The following NRXN1 variants were observed in gnomAD, a reference collection of about 807,000 sequenced individuals.
NRXN1 encodes neurexin-1.
A neutral mutation model predicts 150.9 loss-of-function variants in NRXN1; 39 were observed. The observed-to-expected ratio is 0.26, with a 90% CI of 0.20 to 0.34. The LOEUF is 0.34. Among genes scored for constraint, NRXN1 ranks in the 10% least tolerant of loss-of-function variants. NRXN1 has a pLI of 1.00. For missense variants in NRXN1, 1,815 were observed against 1,949.9 expected, an observed-to-expected ratio of 0.93 and a Z score of 1.30; for synonymous variants, 924 against 757.0, an observed-to-expected ratio of 1.22 and a Z score of -3.62.
rs180888258 is a variant in NRXN1, at chr2:50,386,828, G to A, written c.3364+78614C>T. 6.6e-5 allele frequency among the ~76,000 whole-genome samples: 10 copies of A among 152,288 alleles called. No individual in the cohort carries two copies. In the East Asian group the frequency reaches 1.7e-3, roughly 27 times the overall value. On this transcript the variant is annotated intron_variant, in intron 17 of 22. Transcript: ENST00000401669. The stretch of plus-strand genomic sequence containing the variant: ...CCTTGAGCAAGGCACTTAGCTTGCA[G>A]TTCCTTAATCTGCTTGTATTTAGTG...
intron 8 of NRXN1, among the ~76,000 whole-genome samples, chr2:50,570,549 A>G (rs1425882539): frequency 6.6e-6 from 1 of 152,148 alleles, no homozygotes; most frequent in Admixed American, 6.6e-5. Context: ...TCAAGTTAGC[A>G]CTTTGTGTGA....
chr2:50,343,801 T>A (rs1422237829), intron 17 of NRXN1, among the ~76,000 whole-genome samples: 1 of 152,226 alleles, frequency 6.6e-6, no homozygotes, highest in South Asian at 2.1e-4. Flanking sequence ...AACTATACCA[T>A]AAATGAATTT....
chr2:50,810,690 G>A (rs1574554156), intron 5 of NRXN1, among the ~76,000 whole-genome samples: 1 of 152,040 alleles, frequency 6.6e-6, no homozygotes. Context: ...CAATAAAAGT[G>A]TTTGCATCTT....
intron 17 of NRXN1, among the ~76,000 whole-genome samples, chr2:50,289,208 G>A (rs1317160344): frequency 2.0e-5 from 3 of 152,080 alleles, no homozygotes; most frequent in Non-Finnish European, 4.4e-5. Flanking sequence ...AATCTGTAGA[G>A]CCCCAAGGTT....
chr2:50,158,636 A>G (rs949239771), intron 18 of NRXN1, among the ~76,000 whole-genome samples: 2 of 152,150 alleles, frequency 1.3e-5, no homozygotes, highest in Admixed American at 6.6e-5. Context: ...TTCAGAAACC[A>G]GGAAGCTGAG....
At chr2:50,497,204 A>T in intron 14 of NRXN1, 129 bp downstream of exon 14, 1 of 564,286 alleles carries the variant, frequency 1.8e-6, no homozygotes, top group Non-Finnish European at 2.8e-6. Flanking sequence ...ATGCCTTCTT[A>T]TTTGTCCTCC....
chr2:50,838,007 A>G (rs1672349472), intron 5 of NRXN1, among the ~76,000 whole-genome samples: 1 of 152,112 alleles, frequency 6.6e-6, no homozygotes, highest in Non-Finnish European at 1.5e-5. Context: ...CTGTTGCCTG[A>G]GTGAAACACA....
intron 22 of NRXN1, among the ~76,000 whole-genome samples, chr2:49,931,932 T>C (rs1670196539): frequency 6.6e-6 from 1 of 152,150 alleles, no homozygotes; most frequent in Non-Finnish European, 1.5e-5. Flanking sequence ...GAATAATCTA[T>C]CTTTACAAAA....
At chr2:50,428,215 A>G (rs1275799049) in intron 17 of NRXN1, among the ~76,000 whole-genome samples, 2 of 152,234 alleles carry the variant, frequency 1.3e-5, no homozygotes, top group East Asian at 3.9e-4. Flanking sequence ...GGAGTTCAAG[A>G]CCACCTGGGC....
chr2:50,347,773 A>C lies in NRXN1; in HGVS notation c.3365-110803T>G, dbSNP rs1303830979. ...GAAAAAAAGAAAAGAAAAACCACAC[A>C]CGCTGGTGAAGCAAGGGGCTCTATG... On this transcript the variant is annotated intron_variant, in intron 17 of 22. Coordinates refer to ENST00000401669, the MANE Select transcript of NRXN1 (RefSeq NM_001330078.2). This position sits in a 1 kb window ranked among gnomAD's most constrained non-coding sequence, Gnocchi z 4.9. 4 of 986,514 alleles carry C rather than the reference A, an allele frequency of 4.1e-6. No individual in the cohort carries two copies. Among genetic ancestry groups the C allele is most frequent in the Admixed American group, 6.1e-5 (1 of 16,344 alleles). The allele number at this position is 986,514 out of a possible 1,614,324, so 61.1% of individuals were successfully genotyped here. A position where few individuals can be genotyped will look rare whatever the true frequency, so the allele number is the denominator to read the frequency against.
intron 8 of NRXN1, among the ~76,000 whole-genome samples, chr2:50,560,884 C>A (rs1212970206): frequency 6.6e-6 from 1 of 151,956 alleles, no homozygotes; most frequent in African/African-American, 2.4e-5. Context: ...TTCTCCAAAC[C>A]CAAATACCAA....
At chr2:50,259,371 G>A (rs895175525) in intron 17 of NRXN1, among the ~76,000 whole-genome samples, 1 of 151,810 alleles carries the variant, frequency 6.6e-6, no homozygotes, top group Non-Finnish European at 1.5e-5. Flanking sequence ...ACTCAGATAG[G>A]AAACATCAGA....
At chr2:50,455,781 T>C (rs1016369330) in intron 17 of NRXN1, among the ~76,000 whole-genome samples, 1 of 152,166 alleles carries the variant, frequency 6.6e-6, no homozygotes, top group African/African-American at 2.4e-5. Context: ...ATCCTTGGTA[T>C]TGGATTCCTT....
intron 19 of NRXN1, among the ~76,000 whole-genome samples, chr2:50,086,214 C>T (rs1698754207): frequency 6.6e-6 from 1 of 152,102 alleles, no homozygotes; most frequent in South Asian, 2.1e-4. Flanking sequence ...TCAGTACCAA[C>T]CCTGCAATCT....
intron 21 of NRXN1, among the ~76,000 whole-genome samples, chr2:50,030,326 C>T (rs1689009863): frequency 6.6e-6 from 1 of 152,110 alleles, no homozygotes; most frequent in South Asian, 2.1e-4. Flanking sequence ...GGGAGTATCT[C>T]TCTCAAGGAC....
chr2:50,842,492 T>C (rs187187851), intron 5 of NRXN1, among the ~76,000 whole-genome samples: 5 of 152,156 alleles, frequency 3.3e-5, no homozygotes, highest in African/African-American at 1.2e-4. Context: ...CAAACAGTTA[T>C]GGGATCCAAG....
chr2:51,015,495 G>T (rs562977795), intron 2 of NRXN1, among the ~76,000 whole-genome samples: 22 of 151,950 alleles, frequency 1.4e-4, no homozygotes, highest in Admixed American at 9.2e-4. Flanking sequence ...CTTCTTTATT[G>T]CCAAGAACCT....
At chr2:50,805,289 C>T (rs1574535393) in intron 5 of NRXN1, among the ~76,000 whole-genome samples, 1 of 152,094 alleles carries the variant, frequency 6.6e-6, no homozygotes, top group East Asian at 1.9e-4. Flanking sequence ...GGACTTTAGA[C>T]ATATAAGGTT....
chr2:50,332,308 G>C (rs536207953), intron 17 of NRXN1, among the ~76,000 whole-genome samples: 83 of 152,204 alleles, frequency 5.5e-4, no homozygotes, highest in African/African-American at 2.0e-3. Flanking sequence ...ACAAACATTT[G>C]AGTATCTATG....
Sources: allele counts gnomAD v4.1 joint callset (sites outside exome capture counted in the v4.1 genomes callset), GRCh38; gene constraint gnomAD v4.1.1; non-coding constraint Gnocchi (gnomAD v3.1); transcripts MANE v1.5; gene names NCBI Gene and HGNC (gene_info 2026-07-23, HGNC 2026-07-21).